Variants in SMCHD1 observed in about 807,000 individuals in gnomAD.
The protein encoded by SMCHD1 is structural maintenance of chromosomes flexible hinge domain containing 1, also known as structural maintenance of chromosomes flexible hinge domain-containing protein 1.
Under a neutral mutation model 254.7 loss-of-function variants are expected in SMCHD1, and 78 were observed. That is an observed-to-expected ratio of 0.31 (90% CI 0.26 to 0.37). SMCHD1 has a LOEUF of 0.37. Ranked by LOEUF, SMCHD1 falls within the 10% of genes least tolerant of loss-of-function variation. The pLI, the probability that SMCHD1 is intolerant of heterozygous loss-of-function variation, is 1.00. For synonymous variants in SMCHD1, 766 were observed against 794.9 expected, an observed-to-expected ratio of 0.96 and a Z score of 0.61; for missense variants, 1,840 against 2,408.1, an observed-to-expected ratio of 0.76 and a Z score of 4.94.
At chr18:2,678,257 C>CGTTCTT (rs1568115411) in intron 5 of SMCHD1, among the ~76,000 whole-genome samples, 14 of 99,082 alleles carry the variant, frequency 1.4e-4, no homozygotes, top group African/African-American at 5.3e-4. Context: ...CTTTCTTTCT[C>CGTTCTT]TCTCTCTCTC....
chr18:2,665,252 T>G lies in SMCHD1; in HGVS notation c.187-905T>G, dbSNP rs532375015. On this transcript the variant is annotated intron_variant, in intron 1 of 47. Transcript: ENST00000320876. ...TCATTTGTATTTTCTCCTTTTCATT[T>G]TTTTGTGTTTTTACTTTTTCTCTTT... Among the ~76,000 whole-genome samples, 124 of 152,274 alleles carry G rather than the reference T, an allele frequency of 8.1e-4. 3 individuals carry two copies. In the South Asian group the frequency reaches 0.012, roughly 15 times the overall value.
intron 3 of SMCHD1, among the ~76,000 whole-genome samples, chr18:2,670,109 T>C (rs2073554931): frequency 6.6e-6 from 1 of 152,208 alleles, no homozygotes; most frequent in African/African-American, 2.4e-5. Context: ...CACTCGCTGC[T>C]GAAAACACCC....
chr18:2,677,363 A>T (rs1044557820), intron 5 of SMCHD1, among the ~76,000 whole-genome samples: 7 of 152,142 alleles, frequency 4.6e-5, no homozygotes, highest in Non-Finnish European at 1.0e-4. Flanking sequence ...CAATATTTTT[A>T]ATCTTGAGGT....
rs144556392 is a variant in SMCHD1 at position 2,677,658 on chromosome 18, G to A, written c.638+3513G>A. ...TGTTTTGTTTTTTGAGACAAATCTC[G>A]CTCTGTCGTTCAGGCTGGAGTGTAG... is the stretch of plus-strand genomic sequence containing the variant. On this transcript the variant is annotated intron_variant, in intron 5 of 47. Transcript: ENST00000320876. 5.5e-3 allele frequency among the ~76,000 whole-genome samples: 831 copies of A among 152,154 alleles called. 6 individuals are homozygous for A. The highest frequency in any genetic ancestry group is 0.019 in the African/African-American group (793 of 41,492).
rs1158163346 is a variant in SMCHD1, at chr18:2,703,869, T to A, written c.1825T>A (p.Tyr609Asn). The change falls in exon 13 of 48, where the codon TAC becomes AAC. Residue 609 changes from tyrosine (Y) to asparagine (N), a missense_variant. Around this residue, in one of 9 missense-constraint regions of SMCHD1, gnomAD observed 498 missense variants for 743.5 expected, o/e 0.67. Coordinates refer to ENST00000320876, the MANE Select transcript of SMCHD1 (RefSeq NM_015295.3). ...AGCAATAGAATGGGATGGAAAGATA[T>A]ACAAAGCAGGACAGCTGGTAGGTTT... is the stretch of plus-strand genomic sequence containing the variant. ...YAAIEWDGKI[Y>N]KAGQLVKTIK... is the part of the protein sequence containing the mutation. 6.2e-7 allele frequency: 1 copy of A among 1,603,094 alleles called. No individual in the cohort carries two copies.
chr18:2,684,699 C>CTGTGTGTGTGTGTGTG (rs1568133305), intron 5 of SMCHD1, among the ~76,000 whole-genome samples: 2 of 30,220 alleles, frequency 6.6e-5, no homozygotes, highest in Non-Finnish European at 1.1e-4. Context: ...ATTGCAGATT[C>CTGTGTGTGTGTGTGTG]AGTGTGTGTG....
chr18:2,725,469 A>G (rs1383905197), intron 21 of SMCHD1, among the ~76,000 whole-genome samples: 1 of 151,932 alleles, frequency 6.6e-6, no homozygotes, highest in Non-Finnish European at 1.5e-5. Flanking sequence ...TAAGGAAGGA[A>G]TCCTATGCAT....
At chr18:2,772,212 A>T (rs1214500311) in intron 40 of SMCHD1, 38 bp from the exon 41 acceptor site, 3 of 1,497,104 alleles carry the variant, frequency 2.0e-6, no homozygotes, top group Non-Finnish European at 2.7e-6. Flanking sequence ...GTTCAAGAGT[A>T]ATTGGTCTTG....
chr18:2,732,126 A>G, intron 24 of SMCHD1, 139 bp from the exon 25 acceptor site: 1 of 612,650 alleles, frequency 1.6e-6, no homozygotes, highest in Non-Finnish European at 2.8e-6. Context: ...TATTAATAGT[A>G]TAATGCCATC....
Position 2,802,891 on chromosome 18 carries a change from C to T in SMCHD1, c.*339C>T, listed in dbSNP as rs534446638. On this transcript the variant is annotated 3_prime_UTR_variant, in exon 48 of 48. Transcript: ENST00000320876. Reference sequence around the variant, plus strand: ...TTAATCCTGAAGAAAAGTACATGTACTATTTTTCAGTATAAATATAATGAA... The same window carrying T: ...TTAATCCTGAAGAAAAGTACATGTATTATTTTTCAGTATAAATATAATGAA... The T allele has an allele frequency of 4.6e-6, 1 of 217,770 alleles. No individual in the cohort carries two copies. Among genetic ancestry groups the T allele is most frequent in the African/African-American group, 2.3e-5 (1 of 44,018 alleles). 13.5% of individuals were successfully genotyped at this position (217,770 alleles called of 1,614,324 possible). A position where few individuals can be genotyped will look rare whatever the true frequency, so the allele number is the denominator to read the frequency against.
intron 36 of SMCHD1, among the ~76,000 whole-genome samples, chr18:2,763,144 C>G (rs1274547420): frequency 6.6e-6 from 1 of 152,168 alleles, no homozygotes; most frequent in Non-Finnish European, 1.5e-5. Context: ...CCCTAGACAT[C>G]TCTTCTTTTC....
At chr18:2,689,734 G>A (rs1213989384) in intron 7 of SMCHD1, among the ~76,000 whole-genome samples, 1 of 151,544 alleles carries the variant, frequency 6.6e-6, no homozygotes, top group Non-Finnish European at 1.5e-5. Context: ...AGTGATTTTG[G>A]GCTGGGCATG....
intron 34 of SMCHD1, among the ~76,000 whole-genome samples, chr18:2,753,981 T>G (rs974332829): frequency 2.0e-5 from 3 of 152,202 alleles, no homozygotes; most frequent in African/African-American, 7.2e-5. Context: ...GCCACTTAGA[T>G]TACCTTTTGT....
chr18:2,777,940 C>T, intron 43 of SMCHD1, 25 bp downstream of exon 43: 1 of 1,354,974 alleles, frequency 7.4e-7, no homozygotes, highest in South Asian at 1.4e-5. Context: ...GGTGACTTTA[C>T]TTTTGTACAG....
chr18:2,775,218 A>G (rs1001386373), intron 41 of SMCHD1, among the ~76,000 whole-genome samples: 5 of 151,794 alleles, frequency 3.3e-5, no homozygotes, highest in African/African-American at 1.2e-4. Flanking sequence ...AGCAGAAGAA[A>G]CAATTCTTAT....
chr18:2,678,569 G>A (rs1174585028), intron 5 of SMCHD1, among the ~76,000 whole-genome samples: 1 of 151,830 alleles, frequency 6.6e-6, no homozygotes, highest in Non-Finnish European at 1.5e-5. Flanking sequence ...CGCCCACCTC[G>A]GCCTCCCAAA....
At chr18:2,798,957 A>T (rs2076311068) in intron 47 of SMCHD1, among the ~76,000 whole-genome samples, 1 of 152,202 alleles carries the variant, frequency 6.6e-6, no homozygotes, top group African/African-American at 2.4e-5. Context: ...GCTACTGTGG[A>T]CATTGATTTG....
chr18:2,667,815 AAT>A (rs1480503528), intron 3 of SMCHD1, among the ~76,000 whole-genome samples: 1 of 152,178 alleles, frequency 6.6e-6, no homozygotes, highest in East Asian at 1.9e-4. Context: ...AACATCTTTT[AAT>A]ATATATGTCT....
chr18:2,717,541 C>G (rs1192735161), intron 17 of SMCHD1, among the ~76,000 whole-genome samples: 1 of 152,130 alleles, frequency 6.6e-6, no homozygotes, highest in Non-Finnish European at 1.5e-5. Context: ...CTATATGGCC[C>G]AGGCTGGTCT....
Sources: gnomAD v4.1 joint callset for allele counts (sites outside exome capture counted in the v4.1 genomes callset) on GRCh38, gnomAD v4.1.1 for gene constraint, gnomAD v4.1.1 regional missense constraint, MANE v1.5 for transcripts, NCBI Gene and HGNC (gene_info 2026-07-23, HGNC 2026-07-21) for gene names.